Variants in PPP1R8 observed in about 807,000 individuals in gnomAD.
PPP1R8 encodes the protein nuclear inhibitor of protein phosphatase 1.
PPP1R8 carries 4 observed loss-of-function variants against 31.3 expected under a neutral mutation model. The observed-to-expected ratio is 0.13, with a 90% CI of 0.06 to 0.29. The LOEUF is 0.29. Among genes scored for constraint, PPP1R8 ranks in the 10% least tolerant of loss-of-function variants. The probability of loss-of-function intolerance (pLI) is 1.00; values close to 1 mark genes in which losing one functional copy is unlikely to be tolerated. For missense variants in PPP1R8, 254 were observed against 440.1 expected (o/e 0.58, Z 3.78); for synonymous variants, 170 against 169.7 (o/e 1.00, Z -0.01).
At chr1:27,832,349 C>T (rs1423948874) in intron 1 of PPP1R8, among the ~76,000 whole-genome samples, 2 of 152,178 alleles carry the variant, frequency 1.3e-5, no homozygotes, top group Admixed American at 6.5e-5. Flanking sequence ...TGAGACTAAT[C>T]TTGATGAGCC....
At chr1:27,838,884 CT>C in intron 3 of PPP1R8, 32 bp downstream of exon 3, 1 of 1,478,598 alleles carries the variant, frequency 6.8e-7, no homozygotes, top group Non-Finnish European at 9.1e-7. Flanking sequence ...CACATGTTAC[CT>C]TTAGGCAATA....
intron 5 of PPP1R8, among the ~76,000 whole-genome samples, chr1:27,844,393 A>G (rs1379736199): frequency 1.3e-5 from 2 of 150,728 alleles, no homozygotes; most frequent in South Asian, 2.1e-4. Flanking sequence ...CAGTGACGCA[A>G]TCTCGGCTCA....
In PPP1R8 at chr1:27,838,682, A is replaced by G; in HGVS notation, c.118-17A>G. On this transcript the variant is annotated splice_polypyrimidine_tract_variant and intron_variant, in intron 2 of 6. Transcript: ENST00000311772. The stretch of plus-strand genomic sequence containing the variant: ...TGAAACAAGATTTAAGTAATATTTA[A>G]TTTAATATTTATTTAGAAACTGATT... 7.0e-7 allele frequency: 1 copy of G among 1,418,888 alleles called. No individual in the cohort carries two copies. 87.9% of individuals were successfully genotyped at this position (1,418,888 alleles called of 1,614,324 possible).
chr1:27,843,047 C>A, intron 4 of PPP1R8, 139 bp from the exon 5 acceptor site: 1 of 935,520 alleles, frequency 1.1e-6, no homozygotes, highest in East Asian at 2.4e-5. Flanking sequence ...TGAATCTTCT[C>A]TAAATGCAGA....
chr1:27,831,817 G>A (rs2089111879), intron 1 of PPP1R8, among the ~76,000 whole-genome samples: 1 of 152,206 alleles, frequency 6.6e-6, no homozygotes, highest in African/African-American at 2.4e-5. Context: ...AGATGACTGT[G>A]TTGAATCTTC....
At position 27,843,061 on chromosome 1, in the gene PPP1R8, G is replaced by A. The variant is rs1483844237; in HGVS notation, c.493-125G>A. The A allele has an allele frequency of 2.8e-6, 3 of 1,090,468 alleles. No homozygotes were observed. The East Asian group carries it at 7.1e-5, about 26-fold the overall frequency. The allele number at this position is 1,090,468 out of a possible 1,614,324, so 67.5% of individuals were successfully genotyped here. A position where few individuals can be genotyped will look rare whatever the true frequency, so the allele number is the denominator to read the frequency against. On this transcript the variant is annotated intron_variant, in intron 4 of 6. Transcript: ENST00000311772. ...ATGAATCTTCTCTAAATGCAGAAGT[G>A]TCTCAACTCCCTTTGGAGGTCAAGA...
chr1:27,842,604 G>A (rs1008805074), intron 4 of PPP1R8, among the ~76,000 whole-genome samples: 2 of 152,136 alleles, frequency 1.3e-5, no homozygotes, highest in African/African-American at 4.8e-5. Flanking sequence ...GCAAGCAACA[G>A]AGCTAAGGCC....
chr1:27,834,348 A>G (rs1332958538), intron 2 of PPP1R8: 33 of 496,864 alleles, frequency 6.6e-5, no homozygotes, highest in Non-Finnish European at 1.1e-4. Context: ...ACATCACTGT[A>G]TTCTTGAGAG....
intron 2 of PPP1R8, among the ~76,000 whole-genome samples, chr1:27,837,425 CA>C (rs1256353664): frequency 6.8e-4 from 86 of 126,692 alleles, no homozygotes; most frequent in South Asian, 1.2e-3. Context: ...AGACTCGTCT[CA>C]AAAAAAAAAA....
At chr1:27,840,568 G>T (rs1174505059) in intron 3 of PPP1R8, among the ~76,000 whole-genome samples, 1 of 152,180 alleles carries the variant, frequency 6.6e-6, no homozygotes. Context: ...GAGCTGGAGA[G>T]GGAAAACTAC....
chr1:27,843,589 G>A (rs1281534652), intron 5 of PPP1R8, among the ~76,000 whole-genome samples: 2 of 151,940 alleles, frequency 1.3e-5, no homozygotes, highest in Admixed American at 6.6e-5. Context: ...GAACCCAGGA[G>A]GCAGAAGCTG....
chr1:27,835,652 C>T (rs1277250932), intron 2 of PPP1R8, among the ~76,000 whole-genome samples: 1 of 152,202 alleles, frequency 6.6e-6, no homozygotes, highest in East Asian at 1.9e-4. Flanking sequence ...GTGTGACCCA[C>T]AGTACTTATT....
chr1:27,841,402 G>A (rs1037929861), intron 4 of PPP1R8, among the ~76,000 whole-genome samples, 168 bp downstream of exon 4: 13 of 152,110 alleles, frequency 8.5e-5, no homozygotes, highest in Non-Finnish European at 1.3e-4. Flanking sequence ...AGCTCTCGGA[G>A]AGCCACATTG....
At chr1:27,847,214 C>G in intron 6 of PPP1R8, 122 bp downstream of exon 6, 1 of 981,718 alleles carries the variant, frequency 1.0e-6, no homozygotes, top group Non-Finnish European at 1.6e-6. Flanking sequence ...ATCAAGAGGT[C>G]AAGAAATCGA....
At chr1:27,843,401 A>T in intron 5 of PPP1R8, 71 bp downstream of exon 5, 2 of 1,591,326 alleles carry the variant, frequency 1.3e-6, no homozygotes, top group Non-Finnish European at 8.6e-7. Context: ...TCACGCCTGT[A>T]GTCCTAGCAC....
chr1:27,840,875 A>G, intron 3 of PPP1R8, 139 bp from the exon 4 acceptor site: 1 of 820,840 alleles, frequency 1.2e-6, no homozygotes, highest in Non-Finnish European at 1.9e-6. Flanking sequence ...TTTAAAATAA[A>G]TTAAAAACAG....
intron 2 of PPP1R8, among the ~76,000 whole-genome samples, chr1:27,837,832 T>C (rs2148615985): frequency 6.6e-6 from 1 of 151,070 alleles, no homozygotes; most frequent in East Asian, 2.0e-4. Context: ...ATCCCAGCAC[T>C]TTAGGAGGCT....
At chr1:27,830,956 C>G in intron 1 of PPP1R8, 65 bp downstream of exon 1, 2 of 1,476,436 alleles carry the variant, frequency 1.4e-6, no homozygotes, top group Non-Finnish European at 9.0e-7. Context: ...GGAAGGGCGG[C>G]TCTTTTTTTA....
chr1:27,851,530 T>C lies in PPP1R8; in HGVS notation c.*1084T>C, dbSNP rs1037986441. 1.0e-5 allele frequency: 5 copies of C among 492,488 alleles called. No homozygotes were observed. The highest frequency in any genetic ancestry group is 1.6e-5 in the Non-Finnish European group (4 of 245,628). The allele number at this position is 492,488 out of a possible 1,614,324, so 30.5% of individuals were successfully genotyped here. On this transcript the variant is annotated 3_prime_UTR_variant, in exon 7 of 7. Coordinates refer to ENST00000311772, the MANE Select transcript of PPP1R8 (RefSeq NM_014110.5). Reference sequence around the variant, plus strand: ...GTAAATTAAACGTAACTTTTGTCATTTGGGTGCAGGCTGTGAATTTGTCTC... The same window carrying C: ...GTAAATTAAACGTAACTTTTGTCATCTGGGTGCAGGCTGTGAATTTGTCTC...
Sources: gnomAD v4.1 joint callset for allele counts (sites outside exome capture counted in the v4.1 genomes callset) on GRCh38, gnomAD v4.1.1 for gene constraint, MANE v1.5 for transcripts, NCBI Gene and HGNC (gene_info 2026-07-23, HGNC 2026-07-21) for gene names.